ZC3H18: variants seen among roughly 807,000 people sequenced by gnomAD.
ZC3H18 encodes zinc finger CCCH domain-containing protein 18.
ZC3H18 carries 8 observed loss-of-function variants against 106.1 expected under a neutral mutation model. That is an observed-to-expected ratio of 0.08 (90% CI 0.04 to 0.14). The LOEUF is 0.14. Among genes scored for constraint, ZC3H18 ranks in the 10% least tolerant of loss-of-function variants. ZC3H18 has a pLI of 1.00. For missense variants in ZC3H18, 1,318 were observed against 1,278.4 expected, an observed-to-expected ratio of 1.03 and a Z score of -0.47; for synonymous variants, 635 against 522.1, an observed-to-expected ratio of 1.22 and a Z score of -2.95.
At chr16:88,624,314 G>A (rs371769007) in intron 11 of ZC3H18, 16 of 656,172 alleles carry the variant, frequency 2.4e-5, no homozygotes, top group African/African-American at 7.3e-5. Flanking sequence ...GGCAGCAGCC[G>A]GGTGTTCTTA....
At chr16:88,581,729 T>G (rs557321762) in intron 2 of ZC3H18, among the ~76,000 whole-genome samples, 2 of 151,960 alleles carry the variant, frequency 1.3e-5, no homozygotes, top group Admixed American at 1.3e-4. Context: ...GTCCAAAGAG[T>G]GCGTGGAGCC....
rs535157921 is a variant in ZC3H18 at position 88,603,746 on chromosome 16, C to T, written c.1088+3798C>T. 8.3e-4 allele frequency among the ~76,000 whole-genome samples: 126 copies of T among 151,234 alleles called. 1 individual carries two copies. The South Asian group carries it at 0.026, about 31-fold the overall frequency. On this transcript the variant is annotated intron_variant, in intron 6 of 17. Coordinates refer to ENST00000301011, the MANE Select transcript of ZC3H18 (RefSeq NM_144604.4). The stretch of plus-strand genomic sequence containing the variant: ...CACGCCATTCTTCTGCCTCAGCTTA[C>T]CAAGTAGCTGGGACTACAGGTGCCT...
chr16:88,604,424 C>T (rs889583941), intron 6 of ZC3H18, among the ~76,000 whole-genome samples: 3 of 151,776 alleles, frequency 2.0e-5, no homozygotes, highest in Non-Finnish European at 4.4e-5. Flanking sequence ...CAGTGGCTCA[C>T]GCCTGTAATC....
chr16:88,582,642 G>T (rs1915204905), intron 2 of ZC3H18, among the ~76,000 whole-genome samples: 1 of 152,152 alleles, frequency 6.6e-6, no homozygotes. Flanking sequence ...CTTGGAAAAA[G>T]GGCCCCGTAG....
At chr16:88,603,184 C>G (rs1904839518) in intron 6 of ZC3H18, among the ~76,000 whole-genome samples, 1 of 151,790 alleles carries the variant, frequency 6.6e-6, no homozygotes, top group Non-Finnish European at 1.5e-5. Context: ...CCAGGAATGG[C>G]CTCAATCTCT....
At chr16:88,620,693 C>T (rs930654079) in intron 8 of ZC3H18, among the ~76,000 whole-genome samples, 1 of 151,674 alleles carries the variant, frequency 6.6e-6, no homozygotes, top group Non-Finnish European at 1.5e-5. Flanking sequence ...AGCCCAGGTT[C>T]GGCACCGCAC....
chr16:88,604,506 G>A (rs1404378446), intron 6 of ZC3H18, among the ~76,000 whole-genome samples: 1 of 152,006 alleles, frequency 6.6e-6, no homozygotes, highest in Non-Finnish European at 1.5e-5. Flanking sequence ...CTAACATGGT[G>A]AAACCCCATC....
intron 1 of ZC3H18, among the ~76,000 whole-genome samples, chr16:88,572,999 C>T (rs1398572632): frequency 6.6e-6 from 1 of 152,010 alleles, no homozygotes; most frequent in Non-Finnish European, 1.5e-5. Flanking sequence ...CCTCGTGATC[C>T]TCCCGCTTCA....
At chr16:88,586,828 T>G (rs1597327218) in intron 3 of ZC3H18, 144 bp downstream of exon 3, 23 of 577,238 alleles carry the variant, frequency 4.0e-5, no homozygotes, top group Non-Finnish European at 4.4e-5. Flanking sequence ...GTGGTGGTGG[T>G]GGTGGTGGTG....
chr16:88,584,269 A>C (rs937849913), intron 2 of ZC3H18, among the ~76,000 whole-genome samples: 2 of 152,122 alleles, frequency 1.3e-5, no homozygotes, highest in Non-Finnish European at 2.9e-5. Context: ...TAAAAATAAC[A>C]AAATTAGCCA....
intron 7 of ZC3H18, among the ~76,000 whole-genome samples, chr16:88,610,722 TAGA>T (rs1905230316): frequency 6.6e-6 from 1 of 152,364 alleles, no homozygotes; most frequent in East Asian, 1.9e-4. Context: ...AGGATTGTAC[TAGA>T]AGAAGAGGAG....
chr16:88,621,336 T>C (rs1905946124), intron 8 of ZC3H18, among the ~76,000 whole-genome samples: 1 of 152,126 alleles, frequency 6.6e-6, no homozygotes, highest in South Asian at 2.1e-4. Context: ...GCCATTCTTC[T>C]GCCTCAGCCC....
In ZC3H18 at chr16:88,628,040, C is replaced by T. The variant is rs934731937; in HGVS notation, c.2390C>T (p.Pro797Leu). 6.2e-7 allele frequency: 1 copy of T among 1,614,100 alleles called. No individual in the cohort carries two copies. The highest frequency in any genetic ancestry group is 8.5e-7 in the Non-Finnish European group (1 of 1,180,018). Residue 797 changes from proline to leucine, a missense_variant, in exon 15 of 18, where the codon CCC (proline) becomes CTC (leucine). Physicochemically the swap from Pro to Leu is moderately conservative, Grantham distance 98. Around this residue, in one of 6 missense-constraint regions of ZC3H18, gnomAD observed 848 missense variants for 821.7 expected, o/e 1.03. Transcript: ENST00000301011. ...AAGTCCTCCCAGCAGCCCTCGACAC[C>T]CCAGCAGGCACCCCCCGGGCAGCCC... is the stretch of plus-strand genomic sequence containing the variant. Reference protein sequence around the residue: ...GGKSSQQPSTPQQAPPGQPQQ... With the variant: ...GGKSSQQPSTLQQAPPGQPQQ...
At position 88,609,077 on chromosome 16, in the gene ZC3H18, A is replaced by C. The variant is rs769099414; in HGVS notation, c.1206+26A>C. 1.2e-5 allele frequency: 19 copies of C among 1,539,868 alleles called. No individual in the cohort carries two copies. In the African/African-American group the frequency reaches 2.2e-4, roughly 18 times the overall value. ...GTAAGTATGACTTCAATATCCACATATGAACTTCATGATCTGTTCATTCAA... is the reference window on the plus strand; with the variant it reads ...GTAAGTATGACTTCAATATCCACATCTGAACTTCATGATCTGTTCATTCAA... On this transcript the variant is annotated intron_variant, in intron 7 of 17. Coordinates refer to ENST00000301011, the MANE Select transcript of ZC3H18 (RefSeq NM_144604.4).
At chr16:88,624,460 C>A in intron 11 of ZC3H18, 142 bp from the exon 12 acceptor site, 1 of 1,312,562 alleles carries the variant, frequency 7.6e-7, no homozygotes, top group Non-Finnish European at 1.0e-6. Flanking sequence ...GGGTGGGGAG[C>A]CGTGTCCAGG....
At chr16:88,617,265 G>T (rs1397472420) in intron 8 of ZC3H18, among the ~76,000 whole-genome samples, 3 of 116,338 alleles carry the variant, frequency 2.6e-5, no homozygotes, top group Non-Finnish European at 3.5e-5. Context: ...GGTATCTCTG[G>T]CAGGGCTTCT....
chr16:88,580,515 A>C (rs570662848), intron 2 of ZC3H18, among the ~76,000 whole-genome samples: 5 of 152,126 alleles, frequency 3.3e-5, no homozygotes. Flanking sequence ...CATCCTGTGC[A>C]TGAAGAGCTG....
intron 6 of ZC3H18, among the ~76,000 whole-genome samples, chr16:88,605,213 T>A (rs1160923570): frequency 2.0e-5 from 3 of 152,204 alleles, no homozygotes; most frequent in Non-Finnish European, 4.4e-5. Flanking sequence ...AGGGTTGGGC[T>A]ACCTGGAGAG....
At chr16:88,598,156 G>T (rs1904546572) in intron 3 of ZC3H18, 22 bp from the exon 4 acceptor site, 2 of 1,576,080 alleles carry the variant, frequency 1.3e-6, no homozygotes, top group African/African-American at 1.4e-5. Flanking sequence ...GACCCTTTCT[G>T]ATCTCACTTT....
Sources: allele counts gnomAD v4.1 joint callset (sites outside exome capture counted in the v4.1 genomes callset), GRCh38; gene constraint gnomAD v4.1.1; regional missense constraint gnomAD v4.1.1; transcripts MANE v1.5; gene names NCBI Gene and HGNC (gene_info 2026-07-23, HGNC 2026-07-21).